Variants in GIPC2 observed in about 807,000 individuals in gnomAD.
The protein encoded by GIPC2 is GIPC PDZ domain containing family member 2.
GIPC2 carries 30 observed loss-of-function variants against 30.6 expected under a neutral mutation model. That is an observed-to-expected ratio of 0.98 (90% CI 0.73 to 1.33). The LOEUF is 1.33. GIPC2 is among the 40% of genes most tolerant of loss of function. GIPC2 has a pLI of 0.00. For missense variants in GIPC2, 414 were observed against 390.3 expected (o/e 1.06, Z -0.51); for synonymous variants, 167 against 150.0 (o/e 1.11, Z -0.83).
chr1:78,129,938 T>TC (rs1402943692), intron 5 of GIPC2, among the ~76,000 whole-genome samples: 2 of 151,900 alleles, frequency 1.3e-5, no homozygotes, highest in African/African-American at 2.4e-5. Context: ...GAATGATTGT[T>TC]TCAAAGTCAT....
chr1:78,124,878 G>A (rs754004330), intron 4 of GIPC2, among the ~76,000 whole-genome samples: 9 of 152,072 alleles, frequency 5.9e-5, no homozygotes, highest in Non-Finnish European at 1.3e-4. Flanking sequence ...GCATGGTGGC[G>A]CACGCCTGTA....
At chr1:78,110,584 A>T (rs1291992235) in intron 3 of GIPC2, among the ~76,000 whole-genome samples, 1 of 152,194 alleles carries the variant, frequency 6.6e-6, no homozygotes, top group Non-Finnish European at 1.5e-5. Context: ...ACTTCAAAGG[A>T]ATCATTTCTG....
At chr1:78,082,180 G>A (rs1661843565) in intron 2 of GIPC2, among the ~76,000 whole-genome samples, 1 of 152,094 alleles carries the variant, frequency 6.6e-6, no homozygotes, top group African/African-American at 2.4e-5. Context: ...AGGTTAAGTA[G>A]CTTGCCCAAA....
intron 3 of GIPC2, among the ~76,000 whole-genome samples, chr1:78,107,958 A>AAAATT (rs1218259594): frequency 6.6e-6 from 1 of 151,004 alleles, no homozygotes; most frequent in Non-Finnish European, 1.5e-5. Flanking sequence ...TATTATAAAT[A>AAAATT]GTTCCATGTG....
chr1:78,119,754 A>C (rs1191885538), intron 4 of GIPC2, among the ~76,000 whole-genome samples: 1 of 152,212 alleles, frequency 6.6e-6, no homozygotes, highest in Admixed American at 6.5e-5. Flanking sequence ...ACTTAAGTCA[A>C]CCAAAGCTCT....
chr1:78,117,720 A>C (rs1260083312), intron 3 of GIPC2, among the ~76,000 whole-genome samples: 2 of 152,118 alleles, frequency 1.3e-5, no homozygotes, highest in Non-Finnish European at 2.9e-5. Flanking sequence ...CTTCCCCTGA[A>C]CTGCTGCCAT....
chr1:78,108,425 A>G (rs559084148), intron 3 of GIPC2, among the ~76,000 whole-genome samples: 15 of 152,302 alleles, frequency 9.8e-5, no homozygotes, highest in Admixed American at 7.2e-4. Context: ...GATATGCATC[A>G]CACCCTGTTC....
chr1:78,069,472 G>A lies in GIPC2; in HGVS notation c.241-11203G>A, dbSNP rs116166122. On this transcript the variant is annotated intron_variant, in intron 1 of 5. Transcript: ENST00000370759. ...GCTCCCTCATCTAGGGAACCCTGTA[G>A]TACTTTTTTTTTTTTTTTTTTTTGA... Among the ~76,000 whole-genome samples, 863 of 143,550 alleles carry A rather than the reference G, an allele frequency of 6.0e-3. 9 individuals carry two copies. The highest frequency in any genetic ancestry group is 0.022 in the African/African-American group (832 of 38,058). 94.2% of individuals were successfully genotyped at this position (143,550 alleles called of 152,430 possible).
chr1:78,077,700 G>A (rs1288520322), intron 1 of GIPC2, among the ~76,000 whole-genome samples: 4 of 152,114 alleles, frequency 2.6e-5, no homozygotes, highest in African/African-American at 4.8e-5. Context: ...GTTGTGTAGC[G>A]TACTTAGATT....
intron 1 of GIPC2, among the ~76,000 whole-genome samples, chr1:78,066,018 G>C (rs1661503909): frequency 6.6e-6 from 1 of 152,112 alleles, no homozygotes; most frequent in Non-Finnish European, 1.5e-5. Flanking sequence ...AAAAGCAATT[G>C]CAAGAAAAAG....
chr1:78,053,307 A>AT (rs1661227709), intron 1 of GIPC2, among the ~76,000 whole-genome samples: 2 of 152,172 alleles, frequency 1.3e-5, no homozygotes, highest in Non-Finnish European at 2.9e-5. Flanking sequence ...TAGGTTTACT[A>AT]AGATTCCTGG....
At chr1:78,050,888 C>T (rs1661184904) in intron 1 of GIPC2, among the ~76,000 whole-genome samples, 1 of 152,156 alleles carries the variant, frequency 6.6e-6, no homozygotes, top group African/African-American at 2.4e-5. Context: ...CCCGCCTCAG[C>T]CTCCCAAAGT....
chr1:78,070,624 A>G (rs1661600299), intron 1 of GIPC2, among the ~76,000 whole-genome samples: 1 of 152,090 alleles, frequency 6.6e-6, no homozygotes, highest in Non-Finnish European at 1.5e-5. Context: ...ACCTATTCCA[A>G]TTCTTTATCC....
rs1004435074 is a variant in GIPC2 at position 78,085,537 on chromosome 1, T to A, written c.426+4677T>A. Among the ~76,000 whole-genome samples the A allele has an allele frequency of 2.0e-5, 3 of 151,258 alleles. No individual in the cohort carries two copies. The East Asian group carries it at 5.8e-4, about 29-fold the overall frequency. On this transcript the variant is annotated intron_variant, in intron 2 of 5. Transcript: ENST00000370759. Reference sequence around the variant, plus strand: ...ATATTTGATAGAATTCAGTTGTGAATCCATCAGGTTCTAGGCTTTTTTTTT... The same window carrying A: ...ATATTTGATAGAATTCAGTTGTGAAACCATCAGGTTCTAGGCTTTTTTTTT...
Position 78,126,030 on chromosome 1 carries a change from C to T in GIPC2, c.796+68C>T, listed in dbSNP as rs1662776172. Reference sequence around the variant, plus strand: ...GCTTAATGTTTATGTCTTGTTTATACATACAGCCAATTATACTTTTGAAGA... The same window carrying T: ...GCTTAATGTTTATGTCTTGTTTATATATACAGCCAATTATACTTTTGAAGA... On this transcript the variant is annotated intron_variant, in intron 5 of 5. Coordinates refer to ENST00000370759, the MANE Select transcript of GIPC2 (RefSeq NM_017655.6). The T allele has an allele frequency of 2.7e-5, 19 of 711,666 alleles. 1 individual carries two copies. In the South Asian group the frequency reaches 3.1e-4, roughly 12 times the overall value. 44.1% of individuals were successfully genotyped at this position (711,666 alleles called of 1,614,324 possible).
At chr1:78,046,939 G>A (rs1661104645) in intron 1 of GIPC2, among the ~76,000 whole-genome samples, 1 of 152,200 alleles carries the variant, frequency 6.6e-6, no homozygotes, top group Non-Finnish European at 1.5e-5. Flanking sequence ...GTATTTCCAA[G>A]AAGTTTAAAA....
At chr1:78,134,372 G>A (rs1571535444) in intron 5 of GIPC2, among the ~76,000 whole-genome samples, 1 of 151,978 alleles carries the variant, frequency 6.6e-6, no homozygotes, top group African/African-American at 2.4e-5. Context: ...GTATGTATGT[G>A]TGTGTGTATG....
Position 78,122,062 on chromosome 1 carries a change from C to A in GIPC2, c.714+2563C>A, listed in dbSNP as rs567749874. Among the ~76,000 whole-genome samples, 10 of 152,320 alleles carry A rather than the reference C, an allele frequency of 6.6e-5. No homozygotes were observed. The South Asian group carries it at 2.1e-3, about 32-fold the overall frequency. The stretch of plus-strand genomic sequence containing the variant: ...ATCATTCGTCACTCTTTGTTAAGCA[C>A]CTGCTGTGGCAAAGGTGCCTGAATG... On this transcript the variant is annotated intron_variant, in intron 4 of 5. Transcript: ENST00000370759.
chr1:78,104,635 G>A (rs191169049), intron 3 of GIPC2, among the ~76,000 whole-genome samples: 270 of 152,252 alleles, frequency 1.8e-3, no homozygotes, highest in Non-Finnish European at 3.1e-3. Context: ...AATGGGGTAG[G>A]AGGTGGATTG....
Sources: allele counts gnomAD v4.1 joint callset (sites outside exome capture counted in the v4.1 genomes callset), GRCh38; gene constraint gnomAD v4.1.1; transcripts MANE v1.5; gene names NCBI Gene and HGNC (gene_info 2026-07-23, HGNC 2026-07-21).